MALRD1: variants seen among roughly 807,000 people sequenced by gnomAD.
MALRD1 encodes MAM and LDL-receptor class A domain-containing protein 1.
A neutral mutation model predicts 242.1 loss-of-function variants in MALRD1; 247 were observed. The ratio of observed to expected loss-of-function variants is 1.02; its 90% CI spans 0.92 to 1.13. The LOEUF (loss-of-function observed/expected upper bound fraction) is 1.13. MALRD1 is among the 50% of genes most tolerant of loss of function. The pLI is 0.00. For missense variants in MALRD1, 2,989 were observed against 2,533.1 expected, an observed-to-expected ratio of 1.18 and a Z score of -3.86; for synonymous variants, 995 against 866.6, an observed-to-expected ratio of 1.15 and a Z score of -2.60.
intron 2 of MALRD1, among the ~76,000 whole-genome samples, chr10:19,080,790 A>T (rs901349146): frequency 7.2e-5 from 11 of 151,930 alleles, no homozygotes; most frequent in African/African-American, 2.4e-4. Flanking sequence ...AACTAAAGAG[A>T]TTCTGCACAG....
chr10:19,291,756 A>G (rs1841438673), intron 21 of MALRD1, among the ~76,000 whole-genome samples: 1 of 151,654 alleles, frequency 6.6e-6, no homozygotes, highest in Admixed American at 6.6e-5. Flanking sequence ...CAAAATAAGA[A>G]AGAAAAATTG....
At chr10:19,355,405 T>A (rs375735492) in intron 26 of MALRD1, among the ~76,000 whole-genome samples, 3,377 of 151,778 alleles carry the variant, frequency 0.022, 46 homozygotes, top group Non-Finnish European at 0.035. Context: ...AAAGGTTAAT[T>A]ATATTAAACA....
At chr10:19,664,255 G>A (rs1358695159) in intron 36 of MALRD1, among the ~76,000 whole-genome samples, 1 of 151,850 alleles carries the variant, frequency 6.6e-6, no homozygotes, top group Non-Finnish European at 1.5e-5. Context: ...CCATCTACTT[G>A]CTAATTTAGA....
intron 29 of MALRD1, among the ~76,000 whole-genome samples, chr10:19,483,812 A>G (rs1238634487): frequency 2.0e-5 from 3 of 152,280 alleles, no homozygotes; most frequent in Admixed American, 2.0e-4. Context: ...ACTAAAAAAA[A>G]GATGCATGAA....
intron 36 of MALRD1, among the ~76,000 whole-genome samples, chr10:19,675,294 T>C (rs2131775600): frequency 6.6e-6 from 1 of 152,226 alleles, no homozygotes; most frequent in East Asian, 1.9e-4. Flanking sequence ...CTGAAATAAA[T>C]TTACCATTTC....
chr10:19,114,743 AC>A (rs1351106277), intron 5 of MALRD1, among the ~76,000 whole-genome samples: 1 of 152,188 alleles, frequency 6.6e-6, no homozygotes, highest in Admixed American at 6.5e-5. Flanking sequence ...ATAACAAAGT[AC>A]CTCAGACTGT....
At chr10:19,485,959 G>C (rs888572789) in intron 29 of MALRD1, among the ~76,000 whole-genome samples, 1 of 151,710 alleles carries the variant, frequency 6.6e-6, no homozygotes, top group African/African-American at 2.4e-5. Flanking sequence ...GTGAAAATCA[G>C]ACAAAATATT....
At chr10:19,348,798 C>G (rs1020564908) in intron 25 of MALRD1, among the ~76,000 whole-genome samples, 2 of 152,108 alleles carry the variant, frequency 1.3e-5, no homozygotes, top group African/African-American at 2.4e-5. Context: ...GTTCAGAGAT[C>G]ACAAGCACTC....
intron 19 of MALRD1, among the ~76,000 whole-genome samples, chr10:19,267,831 T>G (rs1588816483): frequency 1.3e-5 from 2 of 152,152 alleles, no homozygotes; most frequent in South Asian, 4.1e-4. Context: ...ATAAAGAAAT[T>G]TGAGCCTTGG....
chr10:19,364,128 G>T (rs1845014415), intron 26 of MALRD1, among the ~76,000 whole-genome samples: 1 of 152,034 alleles, frequency 6.6e-6, no homozygotes, highest in Admixed American at 6.6e-5. Context: ...GAAATAACTG[G>T]AAGTCACTTT....
intron 33 of MALRD1, among the ~76,000 whole-genome samples, chr10:19,587,536 G>A (rs542920009): frequency 6.6e-6 from 1 of 152,314 alleles, no homozygotes; most frequent in African/African-American, 2.4e-5. Context: ...TATGGAACTT[G>A]TATGAAATTC....
At chr10:19,245,640 C>A (rs1410152341) in intron 18 of MALRD1, among the ~76,000 whole-genome samples, 2 of 152,094 alleles carry the variant, frequency 1.3e-5, no homozygotes, top group Non-Finnish European at 2.9e-5. Context: ...TAACACAGAA[C>A]TTAGATTAGA....
At chr10:19,071,711 T>C (rs768449845) in intron 2 of MALRD1, among the ~76,000 whole-genome samples, 7 of 152,060 alleles carry the variant, frequency 4.6e-5, no homozygotes, top group Non-Finnish European at 8.8e-5. Context: ...TCCTAAGTAA[T>C]AGGTAGGCTC....
intron 35 of MALRD1, among the ~76,000 whole-genome samples, chr10:19,611,558 CA>C: frequency 6.6e-6 from 1 of 152,060 alleles, no homozygotes; most frequent in Non-Finnish European, 1.5e-5. Context: ...GGGTACAAAC[CA>C]GAGAGACATT....
At chr10:19,483,631 C>G (rs1276900218) in intron 29 of MALRD1, among the ~76,000 whole-genome samples, 1 of 151,916 alleles carries the variant, frequency 6.6e-6, no homozygotes, top group African/African-American at 2.4e-5. Flanking sequence ...TATTAGAAAG[C>G]CAAAAAATAA....
intron 35 of MALRD1, among the ~76,000 whole-genome samples, chr10:19,609,836 A>C (rs1181149885): frequency 6.6e-6 from 1 of 152,064 alleles, no homozygotes; most frequent in Admixed American, 6.6e-5. Context: ...AGGTGAAACT[A>C]TAATTATGAT....
At chr10:19,353,828 G>A (rs940566049) in intron 26 of MALRD1, among the ~76,000 whole-genome samples, 1 of 152,134 alleles carries the variant, frequency 6.6e-6, no homozygotes, top group Admixed American at 6.6e-5. Flanking sequence ...AAATAATCTT[G>A]TAGCATCCAG....
intron 13 of MALRD1, among the ~76,000 whole-genome samples, chr10:19,172,130 C>T (rs940215357): frequency 4.1e-5 from 6 of 144,736 alleles, no homozygotes; most frequent in African/African-American, 1.5e-4. Flanking sequence ...CATATATACA[C>T]ATATATACAC....
chr10:19,204,742 G>A (rs575890031), intron 16 of MALRD1, among the ~76,000 whole-genome samples, 156 bp from the exon 17 acceptor site: 1 of 152,274 alleles, frequency 6.6e-6, no homozygotes, highest in Non-Finnish European at 1.5e-5. Context: ...CAGTAGATAA[G>A]CTCTTGCAAA....
Sources: allele counts gnomAD v4.1 joint callset (sites outside exome capture counted in the v4.1 genomes callset), GRCh38; gene constraint gnomAD v4.1.1; transcripts MANE v1.5; gene names NCBI Gene and HGNC (gene_info 2026-07-23, HGNC 2026-07-21).